The following ANKS1B variants were observed in gnomAD, a reference collection of about 807,000 sequenced individuals.
The protein encoded by ANKS1B is ankyrin repeat and sterile alpha motif domain-containing protein 1B.
A neutral mutation model predicts 148.3 loss-of-function variants in ANKS1B; 36 were observed. The ratio of observed to expected loss-of-function variants is 0.24; its 90% CI spans 0.19 to 0.32. ANKS1B has a LOEUF of 0.32. ANKS1B is among the 10% of genes least tolerant of loss of function. The pLI, the probability that ANKS1B is intolerant of heterozygous loss-of-function variation, is 1.00. For missense variants in ANKS1B, 1,157 were observed against 1,542.6 expected (o/e 0.75, Z 4.19); for synonymous variants, 542 against 560.8 (o/e 0.97, Z 0.47).
At chr12:99,157,018 G>A (rs1294199206) in intron 14 of ANKS1B, among the ~76,000 whole-genome samples, 4 of 152,036 alleles carry the variant, frequency 2.6e-5, no homozygotes, top group East Asian at 1.9e-4. Flanking sequence ...CTGTCTTTTA[G>A]CTCATCATCC....
At chr12:99,860,136 C>T (rs1272659637) in intron 1 of ANKS1B, among the ~76,000 whole-genome samples, 6 of 151,672 alleles carry the variant, frequency 4.0e-5, no homozygotes, top group Non-Finnish European at 7.4e-5. Flanking sequence ...ACATGGAAAC[C>T]AAAAAAAGTA....
At chr12:99,894,445 G>T (rs972028423) in intron 1 of ANKS1B, among the ~76,000 whole-genome samples, 5 of 149,448 alleles carry the variant, frequency 3.3e-5, no homozygotes, top group African/African-American at 1.2e-4. Flanking sequence ...GGAGGTCAAG[G>T]CTGCAGTGAG....
At chr12:99,042,462 C>G (rs940943170) in intron 17 of ANKS1B, among the ~76,000 whole-genome samples, 1 of 152,166 alleles carries the variant, frequency 6.6e-6, no homozygotes, top group Non-Finnish European at 1.5e-5. Context: ...CAGATGAGAT[C>G]AGAAGAAATT....
At chr12:99,777,926 C>T (rs912791065) in intron 6 of ANKS1B, among the ~76,000 whole-genome samples, 2 of 151,612 alleles carry the variant, frequency 1.3e-5, no homozygotes, top group East Asian at 2.0e-4. Flanking sequence ...CAGCCGGGCA[C>T]GGTAGCTCAC....
intron 11 of ANKS1B, among the ~76,000 whole-genome samples, chr12:99,419,862 G>A (rs116371078): frequency 1.5e-3 from 226 of 152,212 alleles, no homozygotes; most frequent in African/African-American, 5.3e-3. Context: ...GTAGATATAT[G>A]GTCTGGCTAT....
intron 17 of ANKS1B, among the ~76,000 whole-genome samples, chr12:99,046,012 G>A (rs2099962068): frequency 6.6e-6 from 1 of 152,200 alleles, no homozygotes; most frequent in Admixed American, 6.5e-5. Context: ...CAGCTGAAAA[G>A]ATGAGTAGGA....
chr12:99,897,908 G>T (rs1156863980), intron 1 of ANKS1B, among the ~76,000 whole-genome samples: 1 of 145,866 alleles, frequency 6.9e-6, no homozygotes, highest in East Asian at 1.9e-4. Context: ...TTTCCCAAAT[G>T]CAGAGTTCTT....
intron 15 of ANKS1B, among the ~76,000 whole-genome samples, chr12:99,121,840 G>A (rs758180667): frequency 3.3e-5 from 5 of 152,130 alleles, no homozygotes; most frequent in Non-Finnish European, 7.3e-5. Context: ...TTTCCTTTGT[G>A]GTTTGCTTAT....
At chr12:99,253,148 G>A (rs1347393087) in intron 12 of ANKS1B, among the ~76,000 whole-genome samples, 1 of 151,946 alleles carries the variant, frequency 6.6e-6, no homozygotes, top group East Asian at 1.9e-4. Flanking sequence ...GATTGCTTGA[G>A]CCCAGGAGTT....
intron 22 of ANKS1B, among the ~76,000 whole-genome samples, chr12:98,789,432 T>A (rs954894004): frequency 4.6e-5 from 7 of 151,962 alleles, no homozygotes; most frequent in Admixed American, 2.0e-4. Context: ...TTTTTTTTTT[T>A]ATTAAAGTTC....
intron 12 of ANKS1B, among the ~76,000 whole-genome samples, chr12:99,293,874 A>G (rs56007218): frequency 0.29 from 43,429 of 152,146 alleles, 7,014 homozygotes; most frequent in African/African-American, 0.43. Context: ...ATATCTGAAT[A>G]GACATTTATC....
At chr12:99,619,037 T>G (rs2098011261) in intron 9 of ANKS1B, among the ~76,000 whole-genome samples, 1 of 152,130 alleles carries the variant, frequency 6.6e-6, no homozygotes, top group Non-Finnish European at 1.5e-5. Context: ...CAGACAGGGC[T>G]GGCTTGGTGA....
intron 2 of ANKS1B, among the ~76,000 whole-genome samples, chr12:99,822,734 G>A (rs2082665971): frequency 6.6e-6 from 1 of 152,130 alleles, no homozygotes; most frequent in Non-Finnish European, 1.5e-5. Flanking sequence ...ATTGTGAATA[G>A]TGCTGCAATG....
intron 9 of ANKS1B, among the ~76,000 whole-genome samples, chr12:99,607,967 A>G (rs1243448491): frequency 2.0e-5 from 3 of 152,002 alleles, no homozygotes; most frequent in East Asian, 1.9e-4. Flanking sequence ...AAAGCCCCCT[A>G]TGAGTGGTAC....
intron 17 of ANKS1B, among the ~76,000 whole-genome samples, chr12:98,961,145 A>T (rs983903443): frequency 7.2e-5 from 11 of 152,194 alleles, no homozygotes; most frequent in African/African-American, 2.4e-5. Context: ...AAAGGTGTAA[A>T]TATTCAAGTG....
intron 17 of ANKS1B, among the ~76,000 whole-genome samples, chr12:98,992,099 T>C (rs1225851623): frequency 1.3e-5 from 2 of 152,208 alleles, no homozygotes; most frequent in Non-Finnish European, 2.9e-5. Context: ...AGGACCTACC[T>C]GTACCATCTG....
Position 99,895,745 on chromosome 12 carries a change from C to G in ANKS1B, c.135-70356G>C, listed in dbSNP as rs957499735. Among the ~76,000 whole-genome samples the G allele has an allele frequency of 2.6e-5, 4 of 150,964 alleles. No individual in the cohort carries two copies. In the Admixed American group the frequency reaches 2.7e-4, roughly 10 times the overall value. ...CACCTCCCTCTAAGAAGGCCAAAACCCTTACTCAGAGTAATTGGCCTACAA... is the reference window on the plus strand; with the variant it reads ...CACCTCCCTCTAAGAAGGCCAAAACGCTTACTCAGAGTAATTGGCCTACAA... On this transcript the variant is annotated intron_variant, in intron 1 of 26. Coordinates refer to ENST00000683438, the MANE Select transcript of ANKS1B (RefSeq NM_001352186.2).
intron 10 of ANKS1B, among the ~76,000 whole-genome samples, chr12:99,469,239 A>G (rs1448292438): frequency 1.4e-5 from 2 of 139,900 alleles, no homozygotes; most frequent in East Asian, 2.2e-4. Flanking sequence ...GAACTGAACA[A>G]TGAGAACACA....
chr12:98,756,554 T>C (rs981963231), intron 25 of ANKS1B, among the ~76,000 whole-genome samples: 1 of 37,410 alleles, frequency 2.7e-5, no homozygotes, highest in Admixed American at 2.4e-4. Flanking sequence ...CTACTAAAAA[T>C]ACAAAAAAAA....
Sources: gnomAD v4.1 joint callset for allele counts (sites outside exome capture counted in the v4.1 genomes callset) on GRCh38, gnomAD v4.1.1 for gene constraint, MANE v1.5 for transcripts, NCBI Gene and HGNC (gene_info 2026-07-23, HGNC 2026-07-21) for gene names.